FHIT: variants seen among roughly 807,000 people sequenced by gnomAD.
FHIT encodes fragile histidine triad diadenosine triphosphatase.
A neutral mutation model predicts 17.9 loss-of-function variants in FHIT; 19 were observed. The ratio of observed to expected loss-of-function variants is 1.06; its 90% CI spans 0.74 to 1.56. The LOEUF (loss-of-function observed/expected upper bound fraction) is 1.56. Ranked by LOEUF, FHIT falls within the 40% of genes most tolerant of loss-of-function variation. The probability of loss-of-function intolerance (pLI) is 0.00; values close to 1 mark genes in which losing one functional copy is unlikely to be tolerated. For synonymous variants in FHIT, 81 were observed against 69.7 expected (o/e 1.16, Z -0.81); for missense variants, 248 against 189.2 (o/e 1.31, Z -1.82).
intron 5 of FHIT, among the ~76,000 whole-genome samples, chr3:60,062,363 A>G (rs1702327523): frequency 2.0e-5 from 3 of 152,180 alleles, no homozygotes; most frequent in South Asian, 4.1e-4. Flanking sequence ...AGGGTGGTTG[A>G]GAGTAACTGT....
chr3:59,946,413 G>A (rs985962120), intron 7 of FHIT, among the ~76,000 whole-genome samples: 1 of 152,278 alleles, frequency 6.6e-6, no homozygotes, highest in Non-Finnish European at 1.5e-5. Context: ...AAATTAAAGA[G>A]CTTTTGGACA....
At chr3:61,099,089 T>C (rs1431243598) in intron 2 of FHIT, among the ~76,000 whole-genome samples, 1 of 152,220 alleles carries the variant, frequency 6.6e-6, no homozygotes, top group Non-Finnish European at 1.5e-5. Flanking sequence ...TTGAGGTATG[T>C]TCCTCCAATA....
chr3:61,039,805 C>T (rs2033421819), intron 3 of FHIT, among the ~76,000 whole-genome samples: 1 of 152,066 alleles, frequency 6.6e-6, no homozygotes, highest in African/African-American at 2.4e-5. Context: ...ACCTATGTAA[C>T]AAACCTGCAC....
At chr3:61,094,606 A>T (rs1648974084) in intron 2 of FHIT, among the ~76,000 whole-genome samples, 1 of 152,210 alleles carries the variant, frequency 6.6e-6, no homozygotes. Context: ...TTAATTTATA[A>T]ATTAGGCAGA....
intron 3 of FHIT, among the ~76,000 whole-genome samples, chr3:60,829,627 C>A (rs1002240237): frequency 2.6e-5 from 4 of 152,110 alleles, no homozygotes; most frequent in African/African-American, 4.8e-5. Flanking sequence ...GTCCAATGTG[C>A]TTTCTGTAGT....
At chr3:61,036,321 C>G (rs186880259) in intron 3 of FHIT, among the ~76,000 whole-genome samples, 7 of 151,090 alleles carry the variant, frequency 4.6e-5, no homozygotes, top group African/African-American at 1.5e-4. Context: ...ATCAGCCCCC[C>G]CTGATCTAAT....
At chr3:60,456,619 C>T (rs2032111873) in intron 5 of FHIT, among the ~76,000 whole-genome samples, 3 of 152,150 alleles carry the variant, frequency 2.0e-5, no homozygotes, top group Admixed American at 2.0e-4. Flanking sequence ...TGGGCTTGTT[C>T]CTCTGATTAG....
chr3:60,462,158 T>TGGAA (rs1559934220), intron 5 of FHIT, among the ~76,000 whole-genome samples: 2 of 152,164 alleles, frequency 1.3e-5, no homozygotes, highest in Non-Finnish European at 2.9e-5. Context: ...CACAATCTAA[T>TGGAA]GGAAGGATGA....
At chr3:60,278,904 T>G (rs1202034516) in intron 5 of FHIT, among the ~76,000 whole-genome samples, 1 of 151,970 alleles carries the variant, frequency 6.6e-6, no homozygotes, top group Non-Finnish European at 1.5e-5. Flanking sequence ...TGCAGGAAAT[T>G]TAAAGAACTG....
At chr3:60,822,682 AT>A (rs572889627) in intron 3 of FHIT, among the ~76,000 whole-genome samples, 57 of 151,162 alleles carry the variant, frequency 3.8e-4, no homozygotes, top group South Asian at 8.4e-4. Flanking sequence ...TATGAAGAGG[AT>A]TTTTTTTTTC....
intron 5 of FHIT, among the ~76,000 whole-genome samples, chr3:60,210,065 TTAAG>T (rs1257370420): frequency 6.6e-6 from 1 of 151,960 alleles, no homozygotes; most frequent in Non-Finnish European, 1.5e-5. Context: ...AAATAAAAAA[TTAAG>T]TATCAATCCA....
At chr3:60,966,798 A>G (rs1399534348) in intron 3 of FHIT, among the ~76,000 whole-genome samples, 1 of 152,230 alleles carries the variant, frequency 6.6e-6, no homozygotes, top group South Asian at 2.1e-4. Flanking sequence ...AATGTGACAA[A>G]TCTGAGAGAT....
At chr3:60,344,203 A>G (rs1054346322) in intron 5 of FHIT, among the ~76,000 whole-genome samples, 6 of 152,128 alleles carry the variant, frequency 3.9e-5, no homozygotes, top group South Asian at 2.1e-4. Context: ...GATGGGTAGC[A>G]TTTGATTGGA....
intron 5 of FHIT, among the ~76,000 whole-genome samples, chr3:60,420,438 A>C (rs1474632903): frequency 6.6e-6 from 1 of 152,162 alleles, no homozygotes; most frequent in Non-Finnish European, 1.5e-5. Context: ...ATAATTCACA[A>C]AGAGATTACT....
intron 5 of FHIT, among the ~76,000 whole-genome samples, chr3:60,377,408 C>T (rs573348186): frequency 2.7e-5 from 4 of 149,992 alleles, no homozygotes; most frequent in South Asian, 4.2e-4. Context: ...CCTCCCGCCT[C>T]AGCCTCCCAA....
At chr3:60,389,103 G>A (rs919005012) in intron 5 of FHIT, among the ~76,000 whole-genome samples, 3 of 152,174 alleles carry the variant, frequency 2.0e-5, no homozygotes, top group African/African-American at 7.2e-5. Context: ...CAATGCATTT[G>A]CATTCCCTGA....
chr3:59,956,238 G>T (rs1267147091), intron 7 of FHIT, among the ~76,000 whole-genome samples: 1 of 152,112 alleles, frequency 6.6e-6, no homozygotes, highest in Non-Finnish European at 1.5e-5. Flanking sequence ...CAGGGGCTGG[G>T]TGACTAAAGA....
intron 2 of FHIT, among the ~76,000 whole-genome samples, chr3:61,080,522 C>A (rs1024835207): frequency 6.6e-6 from 1 of 151,992 alleles, no homozygotes. Flanking sequence ...GTAGAAATAG[C>A]TTTTGTGCTA....
chr3:60,484,454 A>G (rs1004329911), intron 5 of FHIT, among the ~76,000 whole-genome samples: 2 of 152,238 alleles, frequency 1.3e-5, no homozygotes, highest in Admixed American at 6.5e-5. Context: ...ACAGCATGGT[A>G]CTGGTATCAA....
Sources: gnomAD v4.1 joint callset for allele counts (sites outside exome capture counted in the v4.1 genomes callset) on GRCh38, gnomAD v4.1.1 for gene constraint, MANE v1.5 for transcripts, NCBI Gene and HGNC (gene_info 2026-07-23, HGNC 2026-07-21) for gene names.